Variants in SERINC5 observed in about 807,000 individuals in gnomAD.
SERINC5 encodes serine incorporator 5.
SERINC5 carries 41 observed loss-of-function variants against 63.1 expected under a neutral mutation model. The observed-to-expected ratio is 0.65, with a 90% CI of 0.51 to 0.84. The LOEUF (loss-of-function observed/expected upper bound fraction) is 0.84, where lower values mean the gene tolerates loss of function less well. Among genes scored for constraint, SERINC5 ranks in the 40% least tolerant of loss-of-function variants. The pLI, the probability that SERINC5 is intolerant of heterozygous loss-of-function variation, is 0.00. For synonymous variants in SERINC5, 222 were observed against 215.2 expected, an observed-to-expected ratio of 1.03 and a Z score of -0.28; for missense variants, 523 against 573.0, an observed-to-expected ratio of 0.91 and a Z score of 0.89.
chr5:80,157,985 C>A (rs747132798), intron 8 of SERINC5: 7 of 152,146 alleles, frequency 4.6e-5, no homozygotes, highest in Non-Finnish European at 8.8e-5. Flanking sequence ...AAGCTATCAC[C>A]ACCAGGAGTA....
intron 2 of SERINC5, among the ~76,000 whole-genome samples, chr5:80,195,223 T>C (rs1383416435): frequency 1.3e-5 from 2 of 151,712 alleles, no homozygotes. Flanking sequence ...GAGGCAGAGG[T>C]TGTGGTGAGC....
At chr5:80,223,853 C>T (rs1478825254) in intron 1 of SERINC5, among the ~76,000 whole-genome samples, 5 of 151,890 alleles carry the variant, frequency 3.3e-5, no homozygotes, top group Non-Finnish European at 5.9e-5. Context: ...AAGCCGGGCG[C>T]GGTGGCTCAC....
intron 8 of SERINC5, chr5:80,157,777 C>G (rs912788645): frequency 3.3e-5 from 5 of 152,230 alleles, no homozygotes; most frequent in Non-Finnish European, 7.3e-5. Flanking sequence ...CTATGTCACA[C>G]AGGCCAAGAA....
intron 2 of SERINC5, among the ~76,000 whole-genome samples, chr5:80,190,459 T>C (rs573112935): frequency 6.6e-6 from 1 of 152,308 alleles, no homozygotes; most frequent in Admixed American, 6.5e-5. Context: ...TTCCGTACTA[T>C]ATGTTACATG....
At chr5:80,183,041 G>A (rs1246219109) in intron 2 of SERINC5, among the ~76,000 whole-genome samples, 1 of 152,128 alleles carries the variant, frequency 6.6e-6, no homozygotes, top group African/African-American at 2.4e-5. Context: ...AAGGGGAAAA[G>A]CACTACTGAA....
Position 80,177,739 on chromosome 5 carries a change from G to C in SERINC5, c.374+147C>G, listed in dbSNP as rs561005877. The C allele has an allele frequency of 6.1e-5, 41 of 669,836 alleles. No individual in the cohort carries two copies. The South Asian group carries it at 8.3e-4, about 14-fold the overall frequency. The allele number at this position is 669,836 out of a possible 1,614,324, so 41.5% of individuals were successfully genotyped here. A position where few individuals can be genotyped will look rare whatever the true frequency, so the allele number is the denominator to read the frequency against. ...TTCTACCTTTGAGGCAACCATGTGG[G>C]TAAGTATCAATTCCACCTTCCCCTA... On this transcript the variant is annotated intron_variant, in intron 3 of 11. Transcript: ENST00000507668.
chr5:80,246,968 A>G (rs954743860), intron 1 of SERINC5, among the ~76,000 whole-genome samples: 1 of 152,200 alleles, frequency 6.6e-6, no homozygotes, highest in South Asian at 2.1e-4. Context: ...TCCAATCATA[A>G]CCCTAAATTC....
At chr5:80,157,154 C>G (rs891209459) in intron 8 of SERINC5, 2 of 151,708 alleles carry the variant, frequency 1.3e-5, no homozygotes, top group East Asian at 1.9e-4. Flanking sequence ...CACCACACCC[C>G]GCTAATTTTT....
chr5:80,215,051 A>T (rs1750603543), intron 1 of SERINC5, among the ~76,000 whole-genome samples: 3 of 152,246 alleles, frequency 2.0e-5, no homozygotes, highest in Admixed American at 1.3e-4. Context: ...TAAAATAAAA[A>T]AATTAAACAG....
chr5:80,146,272 ATGTG>A, intron 10 of SERINC5, 38 bp from the exon 11 acceptor site: 1 of 1,611,522 alleles, frequency 6.2e-7, no homozygotes, highest in South Asian at 1.1e-5. Flanking sequence ...CAATGAGTGA[ATGTG>A]TGTGTTTACC....
rs1745576379 is a variant in SERINC5, at chr5:80,142,596, T to C, written c.*1067A>G. 1.0e-6 allele frequency: 1 copy of C among 985,422 alleles called. No homozygotes were observed. 61.0% of individuals were successfully genotyped at this position (985,422 alleles called of 1,614,324 possible). A position where few individuals can be genotyped will look rare whatever the true frequency, so the allele number is the denominator to read the frequency against. ...TCAGAAATTCTCACATTAGCAAACC[T>C]ACTCCAAGGATGCCAGCATGAACCT... On this transcript the variant is annotated 3_prime_UTR_variant, in exon 12 of 12. Coordinates refer to ENST00000507668, the MANE Select transcript of SERINC5 (RefSeq NM_001174072.3).
Position 80,139,050 on chromosome 5 carries a change from CA to C in SERINC5, c.*4612del. On this transcript the variant is annotated 3_prime_UTR_variant, in exon 12 of 12. Transcript: ENST00000507668. ...GGGGAAAATAACTTTCAAAAGTTACCAAAATTCGAATCATATCAGAGACCAT... is the reference window on the plus strand; with the variant it reads ...GGGGAAAATAACTTTCAAAAGTTACCAAATTCGAATCATATCAGAGACCAT... 1.0e-6 allele frequency: 1 copy of C among 983,302 alleles called. No individual in the cohort carries two copies. The highest frequency in any genetic ancestry group is 1.2e-6 in the Non-Finnish European group (1 of 828,150). 60.9% of individuals were successfully genotyped at this position (983,302 alleles called of 1,614,324 possible). A position where few individuals can be genotyped will look rare whatever the true frequency, so the allele number is the denominator to read the frequency against.
At chr5:80,166,551 T>C (rs956463342) in intron 6 of SERINC5, 73 bp from the exon 7 acceptor site, 3 of 959,192 alleles carry the variant, frequency 3.1e-6, no homozygotes, top group East Asian at 2.7e-5. Context: ...AAAAACCTGA[T>C]AGTCCCCATG....
downstream of SERINC5, among the ~76,000 whole-genome samples, chr5:80,138,282 C>T (rs947317186): frequency 4.0e-5 from 6 of 151,876 alleles, no homozygotes; most frequent in Non-Finnish European, 5.9e-5. Context: ...GAGTTAGGAA[C>T]CTGGCACTGT....
At chr5:80,135,281 G>A (rs79156857), downstream of SERINC5, among the ~76,000 whole-genome samples, 199 of 152,156 alleles carry the variant, frequency 1.3e-3, no homozygotes, top group South Asian at 5.4e-3. Flanking sequence ...TGATCCTCCC[G>A]CGTCAGCCTC....
At chr5:80,133,199 G>A (rs924178810) in intron 11 of SERINC5, among the ~76,000 whole-genome samples, 6 of 152,212 alleles carry the variant, frequency 3.9e-5, no homozygotes, top group African/African-American at 1.4e-4. Flanking sequence ...CCGAGCAGAT[G>A]CCAGTACCAA....
chr5:80,232,380 G>A (rs1751487193), intron 1 of SERINC5, among the ~76,000 whole-genome samples: 1 of 150,846 alleles, frequency 6.6e-6, no homozygotes, highest in South Asian at 2.1e-4. Flanking sequence ...CTCCAGCCTG[G>A]GCGACAGAGT....
intron 6 of SERINC5, among the ~76,000 whole-genome samples, chr5:80,169,046 C>T (rs1372765508): frequency 4.6e-5 from 7 of 152,170 alleles, no homozygotes; most frequent in Admixed American, 3.9e-4. Flanking sequence ...AAGGCATTTC[C>T]CATTTAAAGG....
intron 1 of SERINC5, among the ~76,000 whole-genome samples, chr5:80,251,683 T>C (rs1443402078): frequency 4.0e-5 from 6 of 151,278 alleles, no homozygotes; most frequent in South Asian, 2.1e-4. Flanking sequence ...GGAGCCAAGA[T>C]TGCGCCACTG....
Sources: gnomAD v4.1 joint callset for allele counts (sites outside exome capture counted in the v4.1 genomes callset) on GRCh38, gnomAD v4.1.1 for gene constraint, MANE v1.5 for transcripts, NCBI Gene and HGNC (gene_info 2026-07-23, HGNC 2026-07-21) for gene names.